Variants in RAB36 observed in about 807,000 individuals in gnomAD.
The protein encoded by RAB36 is ras-related protein Rab-36.
A neutral mutation model predicts 39.3 loss-of-function variants in RAB36; 33 were observed. The ratio of observed to expected loss-of-function variants is 0.84; its 90% CI spans 0.64 to 1.12. The LOEUF (loss-of-function observed/expected upper bound fraction) is 1.12. RAB36 is among the 50% of genes most tolerant of loss of function. The pLI is 0.00. For missense variants in RAB36, 308 were observed against 355.3 expected, an observed-to-expected ratio of 0.87 and a Z score of 1.07; for synonymous variants, 133 against 140.2, an observed-to-expected ratio of 0.95 and a Z score of 0.36.
rs768796789 is a variant in RAB36, at chr22:23,156,041, C to T, written c.394+9C>T. 3 of 1,609,636 alleles carry T rather than the reference C, an allele frequency of 1.9e-6. No individual in the cohort carries two copies. In the African/African-American group the frequency reaches 4.0e-5, roughly 22 times the overall value. On this transcript the variant is annotated intron_variant, in intron 6 of 10. Transcript: ENST00000263116. ...CTACCGGGGTGCCCAGGGTGAGCAA[C>T]ATGCCACGTCGGGGCTCAACTGCAT...
chr22:23,158,041 C>G lies in RAB36; in HGVS notation c.444C>G (p.Thr148=). Residue 148 remains threonine, a splice_region_variant and synonymous_variant, in exon 7 of 11, where the codon ACC becomes ACG. Transcript: ENST00000263116. Reference sequence around the variant, plus strand: ...CTGACGTGCAGACCCTGGAGCATACCAGGTAAGTCTGGGCTCTCTGGCCCC... The same window carrying G: ...CTGACGTGCAGACCCTGGAGCATACGAGGTAAGTCTGGGCTCTCTGGCCCC... ...DLTDVQTLEH[T]RQWLEDALRE... 6.2e-7 allele frequency: 1 copy of G among 1,614,094 alleles called. No individual in the cohort carries two copies. Among genetic ancestry groups the G allele is most frequent in the African/African-American group, 1.3e-5 (1 of 75,052 alleles).
In RAB36 at chr22:23,146,646, C is replaced by T. The variant is rs1348170895; in HGVS notation, c.30C>T (p.Pro10=). MRSSLTPLG[P]PVSRDRVIAS... The stretch of plus-strand genomic sequence containing the variant: ...GGTCCTCCCTGACACCTTTGGGGCC[C>T]CCTGTGAGCCGCGACCGTGTCATCG... Residue 10 remains proline (P), a synonymous_variant, in exon 2 of 11, where the codon CCC becomes CCT. Transcript: ENST00000263116. 1 of 1,614,088 alleles carries T rather than the reference C, an allele frequency of 6.2e-7. No individual in the cohort carries two copies. The highest frequency in any genetic ancestry group is 8.5e-7 in the Non-Finnish European group (1 of 1,179,972).
chr22:23,158,104 C>A lies in RAB36; in HGVS notation c.446+61C>A, dbSNP rs987049174. The stretch of plus-strand genomic sequence containing the variant: ...GGGCTCAGGAAGCTGCCTGGAAGGG[C>A]TCCCAGACCCTGGCCAGTGGACCCT... On this transcript the variant is annotated intron_variant, in intron 7 of 10. Coordinates refer to ENST00000263116, the MANE Select transcript of RAB36 (RefSeq NM_004914.5). 3.1e-6 allele frequency: 5 copies of A among 1,602,102 alleles called. No homozygotes were observed. The African/African-American group carries it at 5.4e-5, about 17-fold the overall frequency.
chr22:23,161,043 G>A, intron 10 of RAB36, 45 bp downstream of exon 10: 1 of 1,556,318 alleles, frequency 6.4e-7, no homozygotes, highest in Non-Finnish European at 8.7e-7. Flanking sequence ...TAGGCTGGAG[G>A]CCTAAAATCC....
chr22:23,145,326 C>T (rs1408885206), upstream of RAB36: 2 of 1,569,430 alleles, frequency 1.3e-6, no homozygotes, highest in South Asian at 1.1e-5. Context: ...AGTCTCTCTG[C>T]TGCCAGCCCC....
intron 10 of RAB36, 151 bp from the exon 11 acceptor site, chr22:23,161,349 C>T (rs2071782498): frequency 3.9e-6 from 3 of 773,100 alleles, no homozygotes; most frequent in South Asian, 1.6e-5. Context: ...CCTGGAAGGC[C>T]CTCTCTTGGC....
intron 5 of RAB36, 109 bp from the exon 6 acceptor site, chr22:23,155,859 G>A (rs113158963): frequency 1.2e-5 from 11 of 954,300 alleles, no homozygotes; most frequent in African/African-American, 1.0e-4. Context: ...CCATGCAGCT[G>A]GCACAGGCCC....
In RAB36 at chr22:23,162,361, C is replaced by G. The variant is rs761784861; in HGVS notation, c.*797C>G. ...GCGGGAGGCAGACTGCACAGCTGTC[C>G]TAGGGTAACTCACTCTGCAGCCCTT... On this transcript the variant is annotated 3_prime_UTR_variant, in exon 11 of 11. Coordinates refer to ENST00000263116, the MANE Select transcript of RAB36 (RefSeq NM_004914.5). 13 of 335,022 alleles carry G rather than the reference C, an allele frequency of 3.9e-5. No homozygotes were observed. The highest frequency in any genetic ancestry group is 7.7e-5 in the Non-Finnish European group (13 of 168,460). 20.8% of individuals were successfully genotyped at this position (335,022 alleles called of 1,614,324 possible).
intron 6 of RAB36, chr22:23,156,363 C>T (rs555572914): frequency 8.1e-6 from 2 of 246,320 alleles, no homozygotes; most frequent in African/African-American, 2.3e-5. Context: ...AGGGGGAGGT[C>T]GGAGGAGGCT....
At chr22:23,166,699 C>A (rs2072057999), downstream of RAB36, among the ~76,000 whole-genome samples, 1 of 152,140 alleles carries the variant, frequency 6.6e-6, no homozygotes, top group South Asian at 2.1e-4. Flanking sequence ...GCTAGTCTCA[C>A]AGTGCAGCCT....
intron 8 of RAB36, 71 bp from the exon 9 acceptor site, chr22:23,159,092 A>C (rs913450047): frequency 3.0e-5 from 48 of 1,586,656 alleles, no homozygotes; most frequent in East Asian, 1.8e-4. Context: ...GGAAGCAGGC[A>C]GCTGCCTATC....
downstream of RAB36, among the ~76,000 whole-genome samples, chr22:23,168,961 C>A (rs2072094527): frequency 6.6e-6 from 1 of 152,316 alleles, no homozygotes; most frequent in African/African-American, 2.4e-5. Flanking sequence ...CAGCCTGGCA[C>A]AACTCACTGG....
intron 9 of RAB36, 123 bp downstream of exon 9, chr22:23,159,376 C>A: frequency 2.1e-6 from 2 of 942,448 alleles, no homozygotes; most frequent in East Asian, 2.7e-5. Flanking sequence ...GGCCCTGGTG[C>A]ACACTGGCAT....
rs2146604811 is a variant in RAB36 at position 23,162,069 on chromosome 22, T to C, written c.*505T>C. ...GCCACCTGCCATTCCCCCTGGGAGTTTTCTGTTGTCAGCAGGACTTATGGT... is the reference window on the plus strand; with the variant it reads ...GCCACCTGCCATTCCCCCTGGGAGTCTTCTGTTGTCAGCAGGACTTATGGT... On this transcript the variant is annotated 3_prime_UTR_variant, in exon 11 of 11. Transcript: ENST00000263116. The C allele has an allele frequency of 6.0e-6, 1 of 167,676 alleles. No individual in the cohort carries two copies. Among genetic ancestry groups the C allele is most frequent in the Middle Eastern group, 3.0e-3 (1 of 334 alleles). The allele number at this position is 167,676 out of a possible 1,614,324, so 10.4% of individuals were successfully genotyped here.
intron 9 of RAB36, 48 bp downstream of exon 9, chr22:23,159,301 G>T: frequency 6.6e-7 from 1 of 1,518,466 alleles, no homozygotes; most frequent in Non-Finnish European, 8.9e-7. Context: ...CCCTGCTCTT[G>T]GGCCAGTCCT....
In RAB36 at chr22:23,163,712, C is replaced by T. The variant is rs77721014; in HGVS notation, c.*2148C>T. On this transcript the variant is annotated 3_prime_UTR_variant, in exon 11 of 11. Transcript: ENST00000263116. ...CAGAGAGCAGGAAAGACTGTTAGCT[C>T]TGCTAACAGTCAGGACTATTCCTTC... 21,687 of 151,824 alleles carry T rather than the reference C, an allele frequency of 0.14. 2,073 individuals carry two copies. The highest frequency in any genetic ancestry group is 0.2 in the Non-Finnish European group (13,767 of 67,920). 9.4% of individuals were successfully genotyped at this position (151,824 alleles called of 1,614,324 possible).
rs1426327340 is a variant in RAB36 at position 23,158,881 on chromosome 22, C to T, written c.447-17C>T. 2 of 1,611,510 alleles carry T rather than the reference C, an allele frequency of 1.2e-6. No homozygotes were observed. Among genetic ancestry groups the T allele is most frequent in the Non-Finnish European group, 1.7e-6 (2 of 1,177,656 alleles). ...GGAGGATGGGTGAATCTCTCAGCCT[C>T]TCTCCTTACACTCCAGGCAGTGGTT... On this transcript the variant is annotated splice_polypyrimidine_tract_variant and intron_variant, in intron 7 of 10. Transcript: ENST00000263116.
At position 23,158,036 on chromosome 22, in the gene RAB36, C is replaced by A. The variant is rs1601936793; in HGVS notation, c.439C>A (p.His147Asn). The A allele has an allele frequency of 5.0e-6, 8 of 1,614,172 alleles. No individual in the cohort carries two copies. The East Asian group carries it at 1.6e-4, about 31-fold the overall frequency. ...FDLTDVQTLEHTRQWLEDALR... is the reference protein window; with the variant it reads ...FDLTDVQTLENTRQWLEDALR... Reference sequence around the variant, plus strand: ...CCTCACTGACGTGCAGACCCTGGAGCATACCAGGTAAGTCTGGGCTCTCTG... The same window carrying A: ...CCTCACTGACGTGCAGACCCTGGAGAATACCAGGTAAGTCTGGGCTCTCTG... The change falls in exon 7 of 11, where the codon CAT becomes AAT. Residue 147 changes from histidine to asparagine, a missense_variant. Physicochemically the swap from His to Asn is moderately conservative, Grantham distance 68. Transcript: ENST00000263116.
Position 23,157,916 on chromosome 22 carries a change from C to G in RAB36, c.395-76C>G. ...GGCTGCCCTGGCAGTTCCTTGGGAG[C>G]TGGGCACCTCCTGGGGAGCCCCCTT... On this transcript the variant is annotated intron_variant, in intron 6 of 10. Coordinates refer to ENST00000263116, the MANE Select transcript of RAB36 (RefSeq NM_004914.5). 3.7e-6 allele frequency: 6 copies of G among 1,601,502 alleles called. No individual in the cohort carries two copies. The South Asian group carries it at 6.7e-5, about 18-fold the overall frequency.
Sources: allele counts gnomAD v4.1 joint callset (sites outside exome capture counted in the v4.1 genomes callset), GRCh38; gene constraint gnomAD v4.1.1; transcripts MANE v1.5; gene names NCBI Gene and HGNC (gene_info 2026-07-23, HGNC 2026-07-21).